Variants in DAPK2 observed in about 807,000 individuals in gnomAD.
DAPK2 encodes the protein death associated protein kinase 2, also known as death-associated protein kinase 2.
A neutral mutation model predicts 44.1 loss-of-function variants in DAPK2; 35 were observed. That is an observed-to-expected ratio of 0.79 (90% CI 0.61 to 1.05). The LOEUF (loss-of-function observed/expected upper bound fraction) is 1.05, where lower values mean the gene tolerates loss of function less well. Ranked by LOEUF, DAPK2 falls within the 50% of genes least tolerant of loss-of-function variation. The probability of loss-of-function intolerance (pLI) is 0.00; values close to 1 mark genes in which losing one functional copy is unlikely to be tolerated. For synonymous variants in DAPK2, 174 were observed against 182.6 expected (o/e 0.95, Z 0.38); for missense variants, 453 against 483.2 (o/e 0.94, Z 0.59).
intron 2 of DAPK2, 99 bp downstream of exon 3, chr15:63,983,434 C>T: frequency 9.1e-7 from 1 of 1,093,454 alleles, no homozygotes; most frequent in Non-Finnish European, 1.4e-6. Context: ...GAGCTTAGGC[C>T]TGGTTGCTGC....
chr15:63,972,066 T>C (rs1270579832), intron 2 of DAPK2, among the ~76,000 whole-genome samples: 2 of 152,214 alleles, frequency 1.3e-5, no homozygotes, highest in Non-Finnish European at 2.9e-5. Context: ...AGGGCTTACT[T>C]TCCCCTTGCA....
Position 63,923,102 on chromosome 15 carries a change from A to T in DAPK2, c.858+1714T>A. 6.5e-7 allele frequency: 1 copy of T among 1,535,898 alleles called. No homozygotes were observed. The highest frequency in any genetic ancestry group is 8.7e-7 in the Non-Finnish European group (1 of 1,146,736). On this transcript the variant is annotated intron_variant, in intron 8 of 10. Transcript: ENST00000261891. This position sits in a 1 kb window ranked among gnomAD's most constrained non-coding sequence, Gnocchi z 4.2. Reference sequence around the variant, plus strand: ...TCGGTACCAAGCTTCCTTCTCATTGAAGATGGAGACCAGGGCCTCCACATC... The same window carrying T: ...TCGGTACCAAGCTTCCTTCTCATTGTAGATGGAGACCAGGGCCTCCACATC...
At chr15:64,023,131 C>T (rs370983333) in intron 1 of DAPK2, among the ~76,000 whole-genome samples, 11 of 152,208 alleles carry the variant, frequency 7.2e-5, no homozygotes, top group East Asian at 3.9e-4. Context: ...TGTCAAGGGG[C>T]GATGTGGAGG....
At chr15:63,924,236 C>T (rs375471272) in intron 8 of DAPK2, among the ~76,000 whole-genome samples, 2 of 152,130 alleles carry the variant, frequency 1.3e-5, no homozygotes, top group South Asian at 4.1e-4. Flanking sequence ...GACTGCAAGG[C>T]GAGTTAGGCA....
chr15:63,931,081 A>G (rs954680373), intron 4 of DAPK2, among the ~76,000 whole-genome samples: 11 of 152,036 alleles, frequency 7.2e-5, no homozygotes, highest in African/African-American at 7.3e-5. Context: ...AGAGAAAGAA[A>G]TAGAAAAAGA....
intron 1 of DAPK2, among the ~76,000 whole-genome samples, chr15:64,032,456 C>G (rs745613230): frequency 2.0e-5 from 3 of 152,190 alleles, no homozygotes; most frequent in Non-Finnish European, 4.4e-5. Context: ...AACCTGCTTT[C>G]AAAGAGTTGA....
intron 8 of DAPK2, among the ~76,000 whole-genome samples, chr15:63,924,313 C>T (rs1056209111): frequency 6.6e-6 from 1 of 152,166 alleles, no homozygotes; most frequent in Non-Finnish European, 1.5e-5. Flanking sequence ...GGCTGTCTCT[C>T]TTCCCCACCA....
intron 1 of DAPK2, among the ~76,000 whole-genome samples, chr15:64,037,087 T>C (rs142869514): frequency 2.0e-5 from 3 of 152,314 alleles, no homozygotes; most frequent in African/African-American, 7.2e-5. Flanking sequence ...GGTTGTCTAA[T>C]GTTGCACAGC....
chr15:63,949,461 C>T (rs562876901), intron 3 of DAPK2, among the ~76,000 whole-genome samples: 1 of 152,334 alleles, frequency 6.6e-6, no homozygotes, highest in East Asian at 1.9e-4. Flanking sequence ...CTTCCCTTCC[C>T]TTTATCAGAC....
chr15:64,014,609 G>A (rs1304582771), intron 1 of DAPK2, among the ~76,000 whole-genome samples: 1 of 152,198 alleles, frequency 6.6e-6, no homozygotes, highest in Admixed American at 6.5e-5. Context: ...CCTCAGAAGA[G>A]TTAATATTAT....
At position 63,972,650 on chromosome 15, in the gene DAPK2, G is replaced by T. The variant is rs557271251; in HGVS notation, c.315-1089C>A. 2.6e-4 allele frequency among the ~76,000 whole-genome samples: 40 copies of T among 152,280 alleles called. 1 individual carries two copies. The highest frequency in any genetic ancestry group is 2.9e-5 in the Non-Finnish European group (2 of 68,016). On this transcript the variant is annotated intron_variant, in intron 2 of 10. Transcript: ENST00000261891. Reference sequence around the variant, plus strand: ...GGCAGAACTTGTAAGCAATAAAAATGGAATATTTGGCTGAGGAGATTTCTA... The same window carrying T: ...GGCAGAACTTGTAAGCAATAAAAATTGAATATTTGGCTGAGGAGATTTCTA...
intron 7 of DAPK2, among the ~76,000 whole-genome samples, chr15:63,925,678 G>GCGCGCGCACACA (rs1352051474): frequency 4.3e-5 from 6 of 138,544 alleles, no homozygotes; most frequent in South Asian, 2.3e-4. Context: ...GACTTGTAGC[G>GCGCGCGCACACA]CACACACACA....
chr15:63,923,162 C>T lies in DAPK2; in HGVS notation c.858+1654G>A, dbSNP rs191179463. 611 of 1,535,862 alleles carry T rather than the reference C, an allele frequency of 4.0e-4. 3 individuals carry two copies. Among genetic ancestry groups the T allele is most frequent in the Non-Finnish European group, 4.8e-4 (553 of 1,146,734 alleles). On this transcript the variant is annotated intron_variant, in intron 8 of 10. Coordinates refer to ENST00000261891, the Ensembl canonical transcript of DAPK2. The surrounding 1 kb of genome is among the most constrained non-coding windows in gnomAD (Gnocchi z 4.2). Reference sequence around the variant, plus strand: ...GGTATCGTGGGCCTCCACCAGGGCACGGCATCCCAGGTCGACCCGAGCCAC... The same window carrying T: ...GGTATCGTGGGCCTCCACCAGGGCATGGCATCCCAGGTCGACCCGAGCCAC...
At chr15:63,959,903 T>C (rs891618666) in intron 3 of DAPK2, among the ~76,000 whole-genome samples, 3 of 152,240 alleles carry the variant, frequency 2.0e-5, no homozygotes, top group African/African-American at 4.8e-5. Flanking sequence ...CTTTTTCTAT[T>C]GATTGGAATA....
Position 63,922,972 on chromosome 15 carries a change from T to G in DAPK2, c.858+1844A>C, listed in dbSNP as rs748738431. On this transcript the variant is annotated intron_variant, in intron 8 of 10. Transcript: ENST00000261891. ...TCCTGGCCATGCTTCCGAGGCTACATCCCGTGGCCTGGATGTCTTCTCGCA... is the reference window on the plus strand; with the variant it reads ...TCCTGGCCATGCTTCCGAGGCTACAGCCCGTGGCCTGGATGTCTTCTCGCA... 3.9e-5 allele frequency: 60 copies of G among 1,535,872 alleles called. No homozygotes were observed. In the Middle Eastern group the frequency reaches 5.0e-4, roughly 13 times the overall value.
At chr15:63,924,023 A>G (rs1278676293) in intron 8 of DAPK2, among the ~76,000 whole-genome samples, 2 of 152,064 alleles carry the variant, frequency 1.3e-5, no homozygotes, top group Non-Finnish European at 2.9e-5. Context: ...TCTTATGGTC[A>G]TTTCATCCTT....
chr15:64,027,729 C>T (rs1279447907), intron 1 of DAPK2, among the ~76,000 whole-genome samples: 1 of 152,120 alleles, frequency 6.6e-6, no homozygotes, highest in African/African-American at 2.4e-5. Flanking sequence ...CATAAACTAA[C>T]AAAAATACAC....
rs565378401 is a variant in DAPK2 at position 64,021,111 on chromosome 15, C to T, written c.92+19059G>A. Among the ~76,000 whole-genome samples the T allele has an allele frequency of 3.3e-5, 5 of 152,346 alleles. No individual in the cohort carries two copies. In the South Asian group the frequency reaches 8.3e-4, roughly 25 times the overall value. On this transcript the variant is annotated intron_variant, in intron 1 of 10. Coordinates refer to ENST00000261891, the Ensembl canonical transcript of DAPK2. ...CTATGGCAACAGAATTTCCCTTCATCTTTCCCCTCAGTAGAGATCAGACCC... is the reference window on the plus strand; with the variant it reads ...CTATGGCAACAGAATTTCCCTTCATTTTTCCCCTCAGTAGAGATCAGACCC...
rs2077253853 is a variant in DAPK2, at chr15:63,939,578, G to C, written c.454-217C>G. On this transcript the variant is annotated intron_variant, in intron 3 of 10. Coordinates refer to ENST00000261891, the Ensembl canonical transcript of DAPK2. The surrounding 1 kb of genome is among the most constrained non-coding windows in gnomAD (Gnocchi z 4.3). ...GGTAAAGCATTGAGGGCAAGGCCTG[G>C]GTTTTACCAAACCTTCTGCTCACAG... 6.6e-6 allele frequency among the ~76,000 whole-genome samples: 1 copy of C among 152,048 alleles called. No homozygotes were observed. Among genetic ancestry groups the C allele is most frequent in the African/African-American group, 2.4e-5 (1 of 41,388 alleles).
Sources: gnomAD v4.1 joint callset for allele counts (sites outside exome capture counted in the v4.1 genomes callset) on GRCh38, gnomAD v4.1.1 for gene constraint, Gnocchi (gnomAD v3.1) non-coding constraint, MANE v1.5 for transcripts, NCBI Gene and HGNC (gene_info 2026-07-23, HGNC 2026-07-21) for gene names.